Variants in ZIC2 observed in about 807,000 individuals in gnomAD.
ZIC2 encodes the protein Zic family zinc finger 2, also known as zinc finger protein ZIC 2.
A neutral mutation model predicts 29.5 loss-of-function variants in ZIC2; 7 were observed. The observed-to-expected ratio is 0.24, with a 90% confidence interval of 0.14 to 0.45. The LOEUF (loss-of-function observed/expected upper bound fraction) is 0.45. Ranked by LOEUF, ZIC2 falls within the 20% of genes least tolerant of loss-of-function variation. The probability of loss-of-function intolerance (pLI) is 1.00; values close to 1 mark genes in which losing one functional copy is unlikely to be tolerated. For synonymous variants in ZIC2, 408 were observed against 354.2 expected, an observed-to-expected ratio of 1.15 and a Z score of -1.70; for missense variants, 589 against 781.2, an observed-to-expected ratio of 0.75 and a Z score of 2.93.
Position 99,985,165 on chromosome 13 carries a change from C to A in ZIC2, c.1239+56C>A. On this transcript the variant is annotated intron_variant, in intron 2 of 2. Coordinates refer to ENST00000376335, the MANE Select transcript of ZIC2 (RefSeq NM_007129.5). This position sits in a 1 kb window ranked among gnomAD's most constrained non-coding sequence, Gnocchi z 6.3. The stretch of plus-strand genomic sequence containing the variant: ...GGCAGGCCGAGGCGCCGGTGCAGCA[C>A]TGGCCCGGACCACCTCAGCCGGCCT... 6.2e-7 allele frequency: 1 copy of A among 1,612,204 alleles called. No homozygotes were observed. Among genetic ancestry groups the A allele is most frequent in the Non-Finnish European group, 8.5e-7 (1 of 1,178,994 alleles).
In ZIC2 at chr13:99,986,091, AGTTT is replaced by A. The variant is rs1316079732; in HGVS notation, c.*412_*415del. 2.2e-6 allele frequency: 1 copy of A among 454,214 alleles called. No individual in the cohort carries two copies. The allele number at this position is 454,214 out of a possible 1,614,324, so 28.1% of individuals were successfully genotyped here. On this transcript the variant is annotated 3_prime_UTR_variant, in exon 3 of 3. Transcript: ENST00000376335. The stretch of plus-strand genomic sequence containing the variant: ...TTTTAAAGGCTTTTTGGTGTATAGA[AGTTT>A]GTCCATTTGTAAAACTCCGGATTGC...
Position 99,985,734 on chromosome 13 carries a change from T to A in ZIC2, c.*52T>A. 1 of 1,120,428 alleles carries A rather than the reference T, an allele frequency of 8.9e-7. No homozygotes were observed. The highest frequency in any genetic ancestry group is 1.2e-6 in the Non-Finnish European group (1 of 856,516). 69.4% of individuals were successfully genotyped at this position (1,120,428 alleles called of 1,614,324 possible). A position where few individuals can be genotyped will look rare whatever the true frequency, so the allele number is the denominator to read the frequency against. ...TGTCCCCACCCCAGCGCAGCAGCCC[T>A]CCCCGCAGCTAGCAGCGAGGGCACC... is the stretch of plus-strand genomic sequence containing the variant. On this transcript the variant is annotated 3_prime_UTR_variant, in exon 3 of 3. Transcript: ENST00000376335. The surrounding 1 kb of genome is among the most constrained non-coding windows in gnomAD (Gnocchi z 6.3).
rs1229715249 is a variant in ZIC2, at chr13:99,985,937, A to G, written c.*255A>G. The G allele has an allele frequency of 7.9e-6, 3 of 381,102 alleles. No individual in the cohort carries two copies. The highest frequency in any genetic ancestry group is 1.5e-5 in the Non-Finnish European group (3 of 198,538). 23.6% of individuals were successfully genotyped at this position (381,102 alleles called of 1,614,324 possible). On this transcript the variant is annotated 3_prime_UTR_variant, in exon 3 of 3. Transcript: ENST00000376335. This position sits in a 1 kb window ranked among gnomAD's most constrained non-coding sequence, Gnocchi z 6.3. ...TATAAAACAAATAAAAAATAAAAAA[A>G]TAAAAACCCACAAAAATGTTGAACC...
In ZIC2 at chr13:99,986,037, G is replaced by A. The variant is rs1370944938; in HGVS notation, c.*355G>A. The A allele has an allele frequency of 1.1e-5, 5 of 456,004 alleles. No individual in the cohort carries two copies. In the East Asian group the frequency reaches 3.5e-4, roughly 32 times the overall value. 28.2% of individuals were successfully genotyped at this position (456,004 alleles called of 1,614,324 possible). On this transcript the variant is annotated 3_prime_UTR_variant, in exon 3 of 3. Transcript: ENST00000376335. ...AGTCTTCTGACAAACTGTGTACATAGCGGACTCCTCCTTTCTCCTCCGAGG... is the reference window on the plus strand; with the variant it reads ...AGTCTTCTGACAAACTGTGTACATAACGGACTCCTCCTTTCTCCTCCGAGG...
At position 99,985,537 on chromosome 13, in the gene ZIC2, C is replaced by T. The variant is rs1355270815; in HGVS notation, c.1454C>T (p.Ala485Val). The T allele has an allele frequency of 2.0e-5, 20 of 1,001,192 alleles. No homozygotes were observed. The Admixed American group carries it at 1.2e-3, about 58-fold the overall frequency. The allele number at this position is 1,001,192 out of a possible 1,614,324, so 62.0% of individuals were successfully genotyped here. A position where few individuals can be genotyped will look rare whatever the true frequency, so the allele number is the denominator to read the frequency against. The change falls in exon 3 of 3, where the codon GCG becomes GTG. Residue 485 changes from alanine to valine, a missense_variant. Transcript: ENST00000376335. This position sits in a 1 kb window ranked among gnomAD's most constrained non-coding sequence, Gnocchi z 6.3. ...HRGGGSGSGG[A>V]GGGSGGGSGS... is the part of the protein sequence containing the mutation. ...GGCGGAGGCTCGGGCAGTGGCGGCG[C>T]GGGAGGCGGCTCAGGCGGCGGCAGC...
At position 99,985,786 on chromosome 13, in the gene ZIC2, A is replaced by G; in HGVS notation, c.*104A>G. The G allele has an allele frequency of 1.5e-5, 9 of 603,688 alleles. No homozygotes were observed. In the South Asian group the frequency reaches 2.8e-4, roughly 19 times the overall value. 37.4% of individuals were successfully genotyped at this position (603,688 alleles called of 1,614,324 possible). A position where few individuals can be genotyped will look rare whatever the true frequency, so the allele number is the denominator to read the frequency against. ...TGTGATCATGTTGTTAAAATTATGA[A>G]TCTGATTTTTATGATGATGAAAATT... On this transcript the variant is annotated 3_prime_UTR_variant, in exon 3 of 3. Transcript: ENST00000376335. This position sits in a 1 kb window ranked among gnomAD's most constrained non-coding sequence, Gnocchi z 6.3.
rs2053239413 is a variant in ZIC2, at chr13:99,982,410, A to G, written c.346A>G (p.Thr116Ala). The G allele has an allele frequency of 1.4e-6, 2 of 1,470,112 alleles. No individual in the cohort carries two copies. Among genetic ancestry groups the G allele is most frequent in the Admixed American group, 2.7e-5 (1 of 37,106 alleles). 91.1% of individuals were successfully genotyped at this position (1,470,112 alleles called of 1,614,324 possible). A position where few individuals can be genotyped will look rare whatever the true frequency, so the allele number is the denominator to read the frequency against. ...CTACTCTGGGCCGCCCTTCAACTCC[A>G]CCCGGGACTTCCTGTTCCGCAGCCG... ...GSYSGPPFNS[T>A]RDFLFRSRGF... Residue 116 changes from threonine to alanine, a missense_variant, in exon 1 of 3, where the codon ACC becomes GCC. Coordinates refer to ENST00000376335, the MANE Select transcript of ZIC2 (RefSeq NM_007129.5).
chr13:99,984,070 A>G (rs552988023), intron 1 of ZIC2, among the ~76,000 whole-genome samples: 6 of 152,230 alleles, frequency 3.9e-5, no homozygotes, highest in African/African-American at 1.4e-4. Context: ...ACAAGGTTTA[A>G]AATTTGAGAA....
In ZIC2 at chr13:99,985,388, C is replaced by T. The variant is rs769478264; in HGVS notation, c.1305C>T (p.Ser435=). Residue 435 remains serine, a synonymous_variant, in exon 3 of 3, where the codon TCC becomes TCT. Transcript: ENST00000376335. This position sits in a 1 kb window ranked among gnomAD's most constrained non-coding sequence, Gnocchi z 6.3. ...SPAASSGYES[S]TPPGLVSPSA... is the part of the protein sequence containing the mutation. ...CCGCCAGCTCCGGCTATGAGTCGTC[C>T]ACGCCCCCGGGGCTGGTGTCCCCCA... The T allele has an allele frequency of 6.3e-6, 10 of 1,596,976 alleles. No individual in the cohort carries two copies. The highest frequency in any genetic ancestry group is 4.0e-5 in the African/African-American group (3 of 74,840).
chr13:99,985,391 G>A lies in ZIC2; in HGVS notation c.1308G>A (p.Thr436=), dbSNP rs775103241. Residue 436 remains threonine (T), a synonymous_variant, in exon 3 of 3, where the codon ACG becomes ACA. Transcript: ENST00000376335. This position sits in a 1 kb window ranked among gnomAD's most constrained non-coding sequence, Gnocchi z 6.3. ...CCAGCTCCGGCTATGAGTCGTCCAC[G>A]CCCCCGGGGCTGGTGTCCCCCAGCG... ...PAASSGYESS[T]PPGLVSPSAE... 1.9e-6 allele frequency: 3 copies of A among 1,596,766 alleles called. No homozygotes were observed. The highest frequency in any genetic ancestry group is 1.7e-4 in the Middle Eastern group (1 of 6,042).
chr13:99,982,707 G>A lies in ZIC2; in HGVS notation c.643G>A (p.Gly215Ser). The A allele has an allele frequency of 6.2e-7, 1 of 1,600,946 alleles. No individual in the cohort carries two copies. Among genetic ancestry groups the A allele is most frequent in the Non-Finnish European group, 8.5e-7 (1 of 1,179,882 alleles). ...GGCGGCGCAACTCCACAACCAGTACGGCCCCATGAATATGAACATGGGTAT... is the reference window on the plus strand; with the variant it reads ...GGCGGCGCAACTCCACAACCAGTACAGCCCCATGAATATGAACATGGGTAT... ...YSAAQLHNQY[G>S]PMNMNMGMNM... Residue 215 changes from glycine to serine, a missense_variant, in exon 1 of 3, where the codon GGC (glycine) becomes AGC (serine). Physicochemically the swap from Gly to Ser is moderately conservative, Grantham distance 56. Coordinates refer to ENST00000376335, the MANE Select transcript of ZIC2 (RefSeq NM_007129.5).
In ZIC2 at chr13:99,985,598, G is replaced by T. The variant is rs2053263347; in HGVS notation, c.1515G>T (p.Gly505=). The change falls in exon 3 of 3, where the codon GGG becomes GGT. Residue 505 remains glycine, a synonymous_variant. Coordinates refer to ENST00000376335, the MANE Select transcript of ZIC2 (RefSeq NM_007129.5). The surrounding 1 kb of genome is among the most constrained non-coding windows in gnomAD (Gnocchi z 6.3). ...SGGGGGGAGG[G]GGGSSGGGSG... ...GGGGCGGCGGCGGGGCGGGCGGCGG[G>T]GGCGGCGGCAGCTCTGGCGGGGGCA... 117 of 1,044,440 alleles carry T rather than the reference G, an allele frequency of 1.1e-4. No individual in the cohort carries two copies. The highest frequency in any genetic ancestry group is 1.3e-4 in the Non-Finnish European group (115 of 868,366). The allele number at this position is 1,044,440 out of a possible 1,614,324, so 64.7% of individuals were successfully genotyped here.
In ZIC2 at chr13:99,982,215, G is replaced by T; in HGVS notation, c.151G>T (p.Asp51Tyr). ...SLAAAQNGFV[D>Y]SAAAHMGAFK... ...GGCGGCGGCGCAGAACGGCTTCGTT[G>T]ACTCCGCCGCCGCGCACATGGGAGC... Residue 51 changes from aspartate to tyrosine, a missense_variant, in exon 1 of 3, where the codon GAC becomes TAC. By Grantham distance (160) the Asp-to-Tyr change is radical. This residue lies in a region of ZIC2 where 358 missense variants were observed against 382.0 expected (regional missense o/e 0.94). Coordinates refer to ENST00000376335, the MANE Select transcript of ZIC2 (RefSeq NM_007129.5). 1 of 1,510,036 alleles carries T rather than the reference G, an allele frequency of 6.6e-7. No individual in the cohort carries two copies. The highest frequency in any genetic ancestry group is 8.8e-7 in the Non-Finnish European group (1 of 1,136,016). The allele number at this position is 1,510,036 out of a possible 1,614,324, so 93.5% of individuals were successfully genotyped here.
rs754679873 is a variant in ZIC2, at chr13:99,985,992, T to G, written c.*310T>G. The G allele has an allele frequency of 3.6e-5, 16 of 448,248 alleles. No homozygotes were observed. Among genetic ancestry groups the G allele is most frequent in the Non-Finnish European group, 5.3e-5 (12 of 224,880 alleles). 27.8% of individuals were successfully genotyped at this position (448,248 alleles called of 1,614,324 possible). On this transcript the variant is annotated 3_prime_UTR_variant, in exon 3 of 3. Transcript: ENST00000376335. The surrounding 1 kb of genome is among the most constrained non-coding windows in gnomAD (Gnocchi z 6.3). ...CTCCCTGCTAATCTCCATGCCCACGTTCTTTCCCACCCTGTTCCCAGTCTT... is the reference window on the plus strand; with the variant it reads ...CTCCCTGCTAATCTCCATGCCCACGGTCTTTCCCACCCTGTTCCCAGTCTT...
At position 99,985,647 on chromosome 13, in the gene ZIC2, G is replaced by T; in HGVS notation, c.1564G>T (p.Gly522Cys). Residue 522 changes from glycine to cysteine, a missense_variant, in exon 3 of 3, where the codon GGC becomes TGC. Transcript: ENST00000376335. This position sits in a 1 kb window ranked among gnomAD's most constrained non-coding sequence, Gnocchi z 6.3. ...CAGCGGGACAGCCGGGGGTCACAGC[G>T]GCCTCTCCTCCAACTTCAATGAATG... The part of the protein sequence containing the change: ...GGSGTAGGHS[G>C]LSSNFNEWYV The T allele has an allele frequency of 3.8e-6, 5 of 1,299,034 alleles. No individual in the cohort carries two copies. Among genetic ancestry groups the T allele is most frequent in the Non-Finnish European group, 5.0e-6 (5 of 1,002,360 alleles). 80.5% of individuals were successfully genotyped at this position (1,299,034 alleles called of 1,614,324 possible). A position where few individuals can be genotyped will look rare whatever the true frequency, so the allele number is the denominator to read the frequency against.
intron 1 of ZIC2, chr13:99,984,630 C>A: frequency 2.5e-6 from 1 of 401,976 alleles, no homozygotes; most frequent in African/African-American, 2.0e-5. Flanking sequence ...GCGAGAGCAA[C>A]TTGTTAGAAG....
Position 99,986,176 on chromosome 13 carries a change from C to A in ZIC2, c.*494C>A, listed in dbSNP as rs1489189849. ...CCTAAAGTGATGGGCTTTCTCTTTT[C>A]TCTTTTTAGTTTACCCGGTTTCTTT... On this transcript the variant is annotated 3_prime_UTR_variant, in exon 3 of 3. Coordinates refer to ENST00000376335, the MANE Select transcript of ZIC2 (RefSeq NM_007129.5). 2.9e-6 allele frequency: 1 copy of A among 345,884 alleles called. No homozygotes were observed. The highest frequency in any genetic ancestry group is 2.2e-5 in the African/African-American group (1 of 46,458). The allele number at this position is 345,884 out of a possible 1,614,324, so 21.4% of individuals were successfully genotyped here. A position where few individuals can be genotyped will look rare whatever the true frequency, so the allele number is the denominator to read the frequency against.
chr13:99,982,592 C>T lies in ZIC2; in HGVS notation c.528C>T (p.Asn176=), dbSNP rs143055297. The T allele has an allele frequency of 1.4e-3, 2,203 of 1,575,764 alleles. 23 individuals carry two copies. The African/African-American group carries it at 0.026, about 19-fold the overall frequency. The change falls in exon 1 of 3, where the codon AAC becomes AAT. Residue 176 remains asparagine, a synonymous_variant. Coordinates refer to ENST00000376335, the MANE Select transcript of ZIC2 (RefSeq NM_007129.5). ...CGCACGGCTCGCAGAATGTGCTCAA[C>T]GGGCAGATGCGCCTCGGGCTGCCCG... The part of the protein sequence containing the change: ...HGPHGSQNVL[N]GQMRLGLPGE...
chr13:99,984,046 G>A (rs1358535235), intron 1 of ZIC2, among the ~76,000 whole-genome samples: 2 of 152,246 alleles, frequency 1.3e-5, no homozygotes, highest in Admixed American at 6.5e-5. Context: ...GCCGAGGTGC[G>A]AGACAAGCTT....
Sources: allele counts gnomAD v4.1 joint callset (sites outside exome capture counted in the v4.1 genomes callset), GRCh38; gene constraint gnomAD v4.1.1; regional missense constraint gnomAD v4.1.1; non-coding constraint Gnocchi (gnomAD v3.1); transcripts MANE v1.5; gene names NCBI Gene and HGNC (gene_info 2026-07-23, HGNC 2026-07-21).